The following SYT6 variants were observed in gnomAD, a reference collection of about 807,000 sequenced individuals.
SYT6 encodes synaptotagmin 6, also known as synaptotagmin-6.
In SYT6, 24 loss-of-function variants were observed where a neutral mutation model predicts 38.4. That is an observed-to-expected ratio of 0.62 (90% CI 0.45 to 0.88). The LOEUF is 0.88. Ranked by LOEUF, SYT6 falls within the 40% of genes least tolerant of loss-of-function variation. The pLI, the probability that SYT6 is intolerant of heterozygous loss-of-function variation, is 0.00. For synonymous variants in SYT6, 265 were observed against 241.9 expected (o/e 1.10, Z -0.89); for missense variants, 611 against 621.0 (o/e 0.98, Z 0.17).
At chr1:114,107,871 C>T (rs576695601) in intron 3 of SYT6, among the ~76,000 whole-genome samples, 23 of 152,280 alleles carry the variant, frequency 1.5e-4, no homozygotes, top group African/African-American at 5.3e-4. Flanking sequence ...AAGGGGTGAC[C>T]AGGGGCTTCA....
intron 3 of SYT6, among the ~76,000 whole-genome samples, chr1:114,104,484 T>C (rs571512511): frequency 3.9e-5 from 6 of 152,256 alleles, no homozygotes; most frequent in African/African-American, 1.4e-4. Flanking sequence ...ATCTGTGGCA[T>C]TAAACAGTGC....
rs79780530 is a variant in SYT6 at position 114,099,534 on chromosome 1, A to G, written c.1193-269T>C. ...TTTTACTAATGGGGAAGCTGGCCCC[A>G]TATCAGACATGACACCTGCCGATAG... On this transcript the variant is annotated intron_variant, in intron 4 of 7. Coordinates refer to ENST00000610222, the MANE Select transcript of SYT6 (RefSeq NM_001253772.2). Among the ~76,000 whole-genome samples the G allele has an allele frequency of 8.2e-3, 1,245 of 152,300 alleles. 14 individuals carry two copies. Among genetic ancestry groups the G allele is most frequent in the African/African-American group, 0.028 (1,172 of 41,564 alleles).
In SYT6 at chr1:114,153,628, G is replaced by A. The variant is rs1313728575; in HGVS notation, c.145C>T (p.Pro49Ser). The change falls in exon 1 of 8, where the codon CCC (proline) becomes TCC (serine). Residue 49 changes from proline to serine, a missense_variant. Transcript: ENST00000610222. ...CCGTTACCTGCGCCTGCCGCGCTGG[G>A]ACTCCGCTCTGGGGGCTGCAGCTCG... ...SFELQPPERS[P>S]SAAGAGTSVS... 1 of 610,926 alleles carries A rather than the reference G, an allele frequency of 1.6e-6. No individual in the cohort carries two copies. 37.8% of individuals were successfully genotyped at this position (610,926 alleles called of 1,614,324 possible).
At chr1:114,135,311 A>C (rs915933628) in intron 3 of SYT6, among the ~76,000 whole-genome samples, 1 of 152,080 alleles carries the variant, frequency 6.6e-6, no homozygotes, top group Non-Finnish European at 1.5e-5. Context: ...AACTCTAAGG[A>C]TCCTGCAACC....
rs1245552433 is a variant in SYT6, at chr1:114,090,985, G to A, written c.*1149C>T. On this transcript the variant is annotated 3_prime_UTR_variant, in exon 8 of 8. Transcript: ENST00000610222. ...GATGAATATTGTCAAAGAGCCAAAGGGGCTGAAATAGGCTTACGCTGACTC... is the reference window on the plus strand; with the variant it reads ...GATGAATATTGTCAAAGAGCCAAAGAGGCTGAAATAGGCTTACGCTGACTC... 6.5e-6 allele frequency: 1 copy of A among 152,870 alleles called. No individual in the cohort carries two copies. Among genetic ancestry groups the A allele is most frequent in the East Asian group, 1.9e-4 (1 of 5,334 alleles). 9.5% of individuals were successfully genotyped at this position (152,870 alleles called of 1,614,324 possible). A position where few individuals can be genotyped will look rare whatever the true frequency, so the allele number is the denominator to read the frequency against.
chr1:114,128,859 C>G (rs1677909418), intron 3 of SYT6, among the ~76,000 whole-genome samples: 1 of 152,174 alleles, frequency 6.6e-6, no homozygotes, highest in Non-Finnish European at 1.5e-5. Context: ...TTCCTTTCCT[C>G]TTTTCTATCT....
At chr1:114,125,327 T>A (rs79685726) in intron 3 of SYT6, among the ~76,000 whole-genome samples, 7,148 of 151,738 alleles carry the variant, frequency 0.047, 215 homozygotes, top group South Asian at 0.087. Context: ...AACATCTTGC[T>A]GTGGCTCATC....
chr1:114,139,575 G>A, intron 2 of SYT6, 40 bp downstream of exon 2: 1 of 1,612,142 alleles, frequency 6.2e-7, no homozygotes, highest in East Asian at 2.2e-5. Context: ...AGGGAGTGTG[G>A]AGGTGTGGGG....
At chr1:114,142,579 T>C (rs957773500) in intron 1 of SYT6, among the ~76,000 whole-genome samples, 52 of 152,172 alleles carry the variant, frequency 3.4e-4, no homozygotes, top group African/African-American at 1.3e-3. Flanking sequence ...GAGGATTGAC[T>C]CCAATTTTGA....
chr1:114,124,382 T>C (rs1677602259), intron 3 of SYT6, among the ~76,000 whole-genome samples: 1 of 152,130 alleles, frequency 6.6e-6, no homozygotes, highest in Admixed American at 6.5e-5. Context: ...GGGCTGGGGC[T>C]GGACAGAAGT....
chr1:114,099,352 T>A, intron 4 of SYT6, 87 bp from the exon 5 acceptor site: 2 of 1,385,652 alleles, frequency 1.4e-6, no homozygotes, highest in Non-Finnish European at 2.0e-6. Context: ...ACCGAAGCCC[T>A]AGACCTACTG....
rs1336180006 is a variant in SYT6, at chr1:114,108,410, G to C, written c.1072-4689C>G. Among the ~76,000 whole-genome samples, 4 of 152,290 alleles carry C rather than the reference G, an allele frequency of 2.6e-5. No individual in the cohort carries two copies. The East Asian group carries it at 7.7e-4, about 29-fold the overall frequency. ...TGTGGGCTGCCCATGAAAGAGCAGT[G>C]AACCATGAATCAGGAGACCTGGACT... On this transcript the variant is annotated intron_variant, in intron 3 of 7. Coordinates refer to ENST00000610222, the MANE Select transcript of SYT6 (RefSeq NM_001253772.2).
At chr1:114,140,895 G>A (rs1678830640) in intron 1 of SYT6, among the ~76,000 whole-genome samples, 1 of 152,166 alleles carries the variant, frequency 6.6e-6, no homozygotes, top group Non-Finnish European at 1.5e-5. Flanking sequence ...GGTGATCTAT[G>A]ATCTGTGATC....
rs1364435613 is a variant in SYT6 at position 114,153,783 on chromosome 1, C to T, written c.-11G>A. On this transcript the variant is annotated 5_prime_UTR_variant, in exon 1 of 8. It adds an upstream start codon to the 5' untranslated region. Transcript: ENST00000610222. ...CCACACTCCGCTCATGCCCTAGACA[C>T]CCAGGCTTGCCGAGCAGCAGCTCGA... 1 of 658,198 alleles carries T rather than the reference C, an allele frequency of 1.5e-6. No individual in the cohort carries two copies. Among genetic ancestry groups the T allele is most frequent in the South Asian group, 1.6e-5 (1 of 62,992 alleles). 40.8% of individuals were successfully genotyped at this position (658,198 alleles called of 1,614,324 possible). A position where few individuals can be genotyped will look rare whatever the true frequency, so the allele number is the denominator to read the frequency against.
At chr1:114,124,509 C>T (rs901146908) in intron 3 of SYT6, among the ~76,000 whole-genome samples, 1 of 152,056 alleles carries the variant, frequency 6.6e-6, no homozygotes, top group African/African-American at 2.4e-5. Context: ...GGGGCAGGTG[C>T]CCACCAGCAG....
chr1:114,099,052 G>T (rs1433012560), intron 5 of SYT6, 42 bp downstream of exon 5: 1 of 1,573,572 alleles, frequency 6.4e-7, no homozygotes, highest in East Asian at 2.2e-5. Context: ...GCTGGAGTGG[G>T]AGTGAGGGGT....
chr1:114,118,832 CA>C (rs1677170046), intron 3 of SYT6, among the ~76,000 whole-genome samples: 1 of 152,248 alleles, frequency 6.6e-6, no homozygotes, highest in Admixed American at 6.5e-5. Context: ...AACGCTTCCT[CA>C]AGGGGGCAGG....
intron 1 of SYT6, among the ~76,000 whole-genome samples, chr1:114,144,162 T>A (rs780130463): frequency 6.6e-6 from 1 of 152,206 alleles, no homozygotes; most frequent in African/African-American, 2.4e-5. Context: ...GACTTGGTAA[T>A]TGAACATGGG....
chr1:114,148,345 A>G (rs1401390731), intron 1 of SYT6, among the ~76,000 whole-genome samples: 1 of 152,244 alleles, frequency 6.6e-6, no homozygotes, highest in African/African-American at 2.4e-5. Context: ...TCTTGCTAAC[A>G]GATTGTAATT....
Sources: allele counts gnomAD v4.1 joint callset (sites outside exome capture counted in the v4.1 genomes callset), GRCh38; gene constraint gnomAD v4.1.1; transcripts MANE v1.5; gene names NCBI Gene and HGNC (gene_info 2026-07-23, HGNC 2026-07-21).